The following USP31 variants were observed in gnomAD, a reference collection of about 807,000 sequenced individuals.
USP31 encodes ubiquitin carboxyl-terminal hydrolase 31.
A neutral mutation model predicts 119.4 loss-of-function variants in USP31; 44 were observed. The ratio of observed to expected loss-of-function variants is 0.37; its 90% CI spans 0.29 to 0.47. The LOEUF is 0.47. Among genes scored for constraint, USP31 ranks in the 20% least tolerant of loss-of-function variants. The pLI is 0.99. For synonymous variants in USP31, 749 were observed against 705.6 expected (o/e 1.06, Z -0.97); for missense variants, 1,643 against 1,730.2 (o/e 0.95, Z 0.89).
At chr16:23,074,137 G>A (rs1900463071) in intron 13 of USP31, among the ~76,000 whole-genome samples, 1 of 152,160 alleles carries the variant, frequency 6.6e-6, no homozygotes, top group African/African-American at 2.4e-5. Flanking sequence ...TTAAACCAAT[G>A]GGTCTCAACC....
rs1478850089 is a variant in USP31 at position 23,085,586 on chromosome 16, A to C, written c.1699T>G (p.Phe567Val). 6.2e-7 allele frequency: 1 copy of C among 1,612,594 alleles called. No homozygotes were observed. Among genetic ancestry groups the C allele is most frequent in the Non-Finnish European group, 8.5e-7 (1 of 1,179,396 alleles). The change falls in exon 10 of 16, where the codon TTC becomes GTC. Residue 567 changes from phenylalanine (F) to valine (V), a missense_variant and splice_region_variant. This residue lies in a region of USP31 where 279 missense variants were observed against 372.2 expected (regional missense o/e 0.75). Coordinates refer to ENST00000219689, the MANE Select transcript of USP31 (RefSeq NM_020718.4). ...AACACTAACTTTAAAAATACTCACA[A>C]ATCTCTTGTCTCCTTGTCCCACTCG... ...VVEWDKETRD[F>V]LFVNTEDEYI... is the part of the protein sequence containing the mutation.
chr16:23,143,591 G>A (rs536293395), intron 1 of USP31, among the ~76,000 whole-genome samples: 6 of 151,136 alleles, frequency 4.0e-5, no homozygotes, highest in South Asian at 2.1e-4. Flanking sequence ...AGGTTGGGGG[G>A]GGGGAGAGAG....
At chr16:23,106,080 G>T in intron 4 of USP31, 133 bp downstream of exon 4, 1 of 1,011,956 alleles carries the variant, frequency 9.9e-7, no homozygotes, top group Non-Finnish European at 1.4e-6. Flanking sequence ...TAAGGTTGTA[G>T]CAATGACTGT....
chr16:23,123,376 A>G (rs1486606435), intron 1 of USP31, among the ~76,000 whole-genome samples: 2 of 152,002 alleles, frequency 1.3e-5, no homozygotes, highest in East Asian at 3.9e-4. Flanking sequence ...TGTCTCTACT[A>G]AAAATACAAA....
At chr16:23,145,752 C>CCAT (rs1406999368) in intron 1 of USP31, among the ~76,000 whole-genome samples, 1 of 152,190 alleles carries the variant, frequency 6.6e-6, no homozygotes, top group Non-Finnish European at 1.5e-5. Flanking sequence ...AACCATAGAA[C>CCAT]CATCCACCTC....
Position 23,061,507 on chromosome 16 carries a change from T to A in USP31, c.*6539A>T, listed in dbSNP as rs1899828257. On this transcript the variant is annotated 3_prime_UTR_variant, in exon 16 of 16. Transcript: ENST00000219689. The stretch of plus-strand genomic sequence containing the variant: ...TATATAATCAACGCTGTTTCAGAAA[T>A]AAAACGTTTCAAACGTAAAAATATA... 1 of 152,630 alleles carries A rather than the reference T, an allele frequency of 6.6e-6. No individual in the cohort carries two copies. The highest frequency in any genetic ancestry group is 1.5e-5 in the Non-Finnish European group (1 of 68,026). 9.5% of individuals were successfully genotyped at this position (152,630 alleles called of 1,614,324 possible).
rs983743181 is a variant in USP31, at chr16:23,066,921, A to T, written c.*1125T>A. On this transcript the variant is annotated 3_prime_UTR_variant, in exon 16 of 16. Transcript: ENST00000219689. ...AAAGGCAGCCCTAACAGAGACTGACAGACAGGATCTGAAGTGCATATGTAA... is the reference window on the plus strand; with the variant it reads ...AAAGGCAGCCCTAACAGAGACTGACTGACAGGATCTGAAGTGCATATGTAA... 2.0e-5 allele frequency: 3 copies of T among 152,248 alleles called. No individual in the cohort carries two copies. The highest frequency in any genetic ancestry group is 4.8e-5 in the African/African-American group (2 of 41,468). The allele number at this position is 152,248 out of a possible 1,614,324, so 9.4% of individuals were successfully genotyped here. A position where few individuals can be genotyped will look rare whatever the true frequency, so the allele number is the denominator to read the frequency against.
chr16:23,131,129 C>A (rs1178714223), intron 1 of USP31, among the ~76,000 whole-genome samples: 1 of 152,012 alleles, frequency 6.6e-6, no homozygotes, highest in Non-Finnish European at 1.5e-5. Flanking sequence ...GGGCAACATA[C>A]CCCATCTCAC....
intron 1 of USP31, among the ~76,000 whole-genome samples, chr16:23,125,189 G>T (rs185751756): frequency 1.3e-5 from 2 of 152,280 alleles, no homozygotes; most frequent in East Asian, 1.9e-4. Flanking sequence ...TAAACACCAC[G>T]ATCTGTGAGG....
At chr16:23,134,674 T>TAAAAAAAAAAA (rs371982166) in intron 1 of USP31, among the ~76,000 whole-genome samples, 2 of 86,844 alleles carry the variant, frequency 2.3e-5, no homozygotes, top group African/African-American at 4.9e-5. Context: ...GAAACAAAGC[T>TAAAAAAAAAAA]AAAAAAAAAA....
chr16:23,113,564 C>A (rs569557217), intron 1 of USP31, among the ~76,000 whole-genome samples: 10 of 152,256 alleles, frequency 6.6e-5, no homozygotes, highest in African/African-American at 2.2e-4. Context: ...TGAGGCAGAT[C>A]CTCCAGAATA....
At chr16:23,098,942 C>A (rs1901731368) in intron 6 of USP31, among the ~76,000 whole-genome samples, 1 of 152,090 alleles carries the variant, frequency 6.6e-6, no homozygotes, top group Admixed American at 6.5e-5. Context: ...ACACCAAAAG[C>A]AAAGGCAACA....
intron 15 of USP31, among the ~76,000 whole-genome samples, chr16:23,071,040 T>C (rs187660045): frequency 2.4e-4 from 37 of 152,306 alleles, no homozygotes; most frequent in African/African-American, 8.9e-4. Context: ...AACCTCTGCC[T>C]AAACAAGCAA....
At chr16:23,078,534 G>A (rs2141837131) in intron 13 of USP31, among the ~76,000 whole-genome samples, 1 of 152,120 alleles carries the variant, frequency 6.6e-6, no homozygotes, top group South Asian at 2.1e-4. Context: ...TCCCCCTCCA[G>A]CACGCTCTGG....
intron 9 of USP31, among the ~76,000 whole-genome samples, chr16:23,086,336 T>A (rs1273026451): frequency 6.6e-6 from 1 of 152,094 alleles, no homozygotes; most frequent in Non-Finnish European, 1.5e-5. Flanking sequence ...AAAAAATCAT[T>A]ATAATAATTT....
intron 1 of USP31, among the ~76,000 whole-genome samples, chr16:23,120,010 AG>A (rs1453421901): frequency 9.9e-5 from 15 of 152,234 alleles, no homozygotes; most frequent in African/African-American, 3.4e-4. Flanking sequence ...CCAAGTTTAG[AG>A]TCAGCTCAGG....
rs1022752780 is a variant in USP31 at position 23,067,928 on chromosome 16, C to A, written c.*118G>T. 2 of 1,295,776 alleles carry A rather than the reference C, an allele frequency of 1.5e-6. No individual in the cohort carries two copies. The highest frequency in any genetic ancestry group is 2.4e-5 in the East Asian group (1 of 42,180). 80.3% of individuals were successfully genotyped at this position (1,295,776 alleles called of 1,614,324 possible). A position where few individuals can be genotyped will look rare whatever the true frequency, so the allele number is the denominator to read the frequency against. On this transcript the variant is annotated 3_prime_UTR_variant, in exon 16 of 16. Coordinates refer to ENST00000219689, the MANE Select transcript of USP31 (RefSeq NM_020718.4). ...ACGCATACACTCACACACACACACA[C>A]AGTCGGGCACGTGACTCAAAAAAGT...
chr16:23,101,647 C>T (rs74490348), intron 6 of USP31, among the ~76,000 whole-genome samples: 9,930 of 152,128 alleles, frequency 0.065, 465 homozygotes, highest in Non-Finnish European at 0.1. Context: ...CCAGGTAATA[C>T]TGATGCATTA....
chr16:23,130,768 C>T (rs1429052844), intron 1 of USP31, among the ~76,000 whole-genome samples: 1 of 152,152 alleles, frequency 6.6e-6, no homozygotes, highest in Non-Finnish European at 1.5e-5. Flanking sequence ...TCACCCACCA[C>T]CCCAGATCAA....
Sources: allele counts gnomAD v4.1 joint callset (sites outside exome capture counted in the v4.1 genomes callset), GRCh38; gene constraint gnomAD v4.1.1; regional missense constraint gnomAD v4.1.1; transcripts MANE v1.5; gene names NCBI Gene and HGNC (gene_info 2026-07-23, HGNC 2026-07-21).